Variants in GRIP1 observed in about 807,000 individuals in gnomAD.
The protein encoded by GRIP1 is glutamate receptor interacting protein 1.
Under a neutral mutation model 129.9 loss-of-function variants are expected in GRIP1, and 45 were observed. The ratio of observed to expected loss-of-function variants is 0.35; its 90% CI spans 0.27 to 0.44. The LOEUF (loss-of-function observed/expected upper bound fraction) is 0.44. Ranked by LOEUF, GRIP1 falls within the 20% of genes least tolerant of loss-of-function variation. The pLI, the probability that GRIP1 is intolerant of heterozygous loss-of-function variation, is 1.00. For missense variants in GRIP1, 1,196 were observed against 1,396.8 expected, an observed-to-expected ratio of 0.86 and a Z score of 2.29; for synonymous variants, 530 against 520.8, an observed-to-expected ratio of 1.02 and a Z score of -0.24.
chr12:66,722,605 T>C lies in GRIP1; in HGVS notation c.-420+81448A>G, dbSNP rs185874973. 2.1e-4 allele frequency among the ~76,000 whole-genome samples: 32 copies of C among 152,306 alleles called. 1 individual carries two copies. The South Asian group carries it at 5.0e-3, about 24-fold the overall frequency. On this transcript the variant is annotated intron_variant, in intron 1 of 4. Transcript: ENST00000538373. ...CATGCTGTTGGAAAAATGGTGTTGA[T>C]AGATTAGCTCAACCATCAATTAATA...
chr12:67,068,926 A>T, intron 1 of GRIP1: 2 of 197,490 alleles, frequency 1.0e-5, no homozygotes, highest in Non-Finnish European at 7.9e-6. Flanking sequence ...GCGGGCCCTG[A>T]GGGCGCGGCG....
intron 1 of GRIP1, among the ~76,000 whole-genome samples, chr12:66,795,875 G>A (rs1168640421): frequency 6.6e-6 from 1 of 152,084 alleles, no homozygotes; most frequent in African/African-American, 2.4e-5. Flanking sequence ...CTAGGGAGAA[G>A]CATAAAATAA....
intron 1 of GRIP1, among the ~76,000 whole-genome samples, chr12:67,019,841 C>T (rs7978516): frequency 0.033 from 4,972 of 151,918 alleles, 274 homozygotes; most frequent in African/African-American, 0.11. Flanking sequence ...CATACACACA[C>T]GAAAGATTAA....
At chr12:66,979,473 C>A (rs932098397) in intron 1 of GRIP1, among the ~76,000 whole-genome samples, 1 of 151,914 alleles carries the variant, frequency 6.6e-6, no homozygotes, top group Non-Finnish European at 1.5e-5. Flanking sequence ...TTCACGAACC[C>A]GTCAAAACAC....
chr12:67,060,217 C>T (rs778378127), intron 1 of GRIP1, among the ~76,000 whole-genome samples: 2 of 152,140 alleles, frequency 1.3e-5, no homozygotes, highest in Non-Finnish European at 2.9e-5. Context: ...TGTGTTCATG[C>T]CTAGGAAAGA....
At chr12:66,754,361 T>C (rs922217001) in intron 1 of GRIP1, among the ~76,000 whole-genome samples, 2 of 152,242 alleles carry the variant, frequency 1.3e-5, no homozygotes, top group Non-Finnish European at 2.9e-5. Flanking sequence ...GTAAGTCTTA[T>C]GTGCCCACTT....
At chr12:67,007,407 C>T (rs937422355) in intron 1 of GRIP1, among the ~76,000 whole-genome samples, 1 of 152,100 alleles carries the variant, frequency 6.6e-6, no homozygotes, top group African/African-American at 2.4e-5. Flanking sequence ...CCTTTCTCTT[C>T]AATACTTTTT....
At chr12:66,620,931 T>C (rs981965566) in intron 1 of GRIP1, among the ~76,000 whole-genome samples, 1 of 152,144 alleles carries the variant, frequency 6.6e-6, no homozygotes, top group African/African-American at 2.4e-5. Context: ...CTGCCCAAAC[T>C]TCCCTAATTC....
At chr12:66,657,097 C>G (rs143649664) in intron 1 of GRIP1, among the ~76,000 whole-genome samples, 1 of 152,236 alleles carries the variant, frequency 6.6e-6, no homozygotes, top group African/African-American at 2.4e-5. Context: ...AACTCTAACT[C>G]TAGGATTGCC....
chr12:66,813,589 C>A (rs1356545942), intron 1 of GRIP1, among the ~76,000 whole-genome samples: 2 of 152,130 alleles, frequency 1.3e-5, no homozygotes, highest in African/African-American at 4.8e-5. Flanking sequence ...GGAGGAGACA[C>A]AACTTGAGCA....
intron 2 of GRIP1, among the ~76,000 whole-genome samples, chr12:66,572,823 A>C (rs1277515018): frequency 6.6e-6 from 1 of 152,158 alleles, no homozygotes; most frequent in African/African-American, 2.4e-5. Flanking sequence ...ACATTTATTA[A>C]AAACTTTATA....
chr12:66,632,321 CT>C (rs2030888569), intron 1 of GRIP1, among the ~76,000 whole-genome samples: 1 of 152,180 alleles, frequency 6.6e-6, no homozygotes, highest in Non-Finnish European at 1.5e-5. Flanking sequence ...TAAGCTTTAT[CT>C]AAAGAGAAGG....
At chr12:66,979,237 A>ACAAAC (rs1293206236) in intron 1 of GRIP1, among the ~76,000 whole-genome samples, 30 of 108,292 alleles carry the variant, frequency 2.8e-4, no homozygotes, top group Non-Finnish European at 5.1e-4. Context: ...AAAAAAAAAA[A>ACAAAC]AAAAAAAAAA....
rs1343204521 is a variant in GRIP1 at position 66,678,951 on chromosome 12, T to C, written c.-47A>G. 1 of 1,612,634 alleles carries C rather than the reference T, an allele frequency of 6.2e-7. No individual in the cohort carries two copies. The highest frequency in any genetic ancestry group is 1.7e-5 in the Admixed American group (1 of 59,886). ...GCAAAGTGTACTCAAGGCTCTCTGCTCTGGTGGCTGCAGCAGCAGCAGCAT... is the reference window on the plus strand; with the variant it reads ...GCAAAGTGTACTCAAGGCTCTCTGCCCTGGTGGCTGCAGCAGCAGCAGCAT... On this transcript the variant is annotated 5_prime_UTR_variant, in exon 1 of 25. Coordinates refer to ENST00000359742, the MANE Select transcript of GRIP1 (RefSeq NM_001366722.1).
At chr12:66,892,013 C>T (rs2040667904) in intron 1 of GRIP1, 1 of 152,412 alleles carries the variant, frequency 6.6e-6, no homozygotes. Context: ...CCTGTGATGG[C>T]TCAGGGCAAT....
At chr12:66,659,995 C>T (rs1183996638) in intron 1 of GRIP1, among the ~76,000 whole-genome samples, 1 of 152,060 alleles carries the variant, frequency 6.6e-6, no homozygotes, top group Non-Finnish European at 1.5e-5. Flanking sequence ...ATTTGCTGTA[C>T]CAAGATAGCA....
chr12:66,705,822 G>C (rs1031113889), intron 1 of GRIP1, among the ~76,000 whole-genome samples: 9 of 151,998 alleles, frequency 5.9e-5, no homozygotes, highest in African/African-American at 2.2e-4. Flanking sequence ...CTCCTATTCA[G>C]TAAATGGTGT....
intron 1 of GRIP1, among the ~76,000 whole-genome samples, chr12:66,874,997 C>T (rs765887623): frequency 1.3e-5 from 2 of 151,962 alleles, no homozygotes; most frequent in Non-Finnish European, 2.9e-5. Flanking sequence ...AAAAGTCAAA[C>T]CCATCAGAAT....
intron 2 of GRIP1, among the ~76,000 whole-genome samples, chr12:66,580,962 T>C (rs1592591862): frequency 6.6e-6 from 1 of 152,298 alleles, no homozygotes; most frequent in South Asian, 2.1e-4. Flanking sequence ...TACATTTTTT[T>C]CAGCACCACA....
Sources: allele counts gnomAD v4.1 joint callset (sites outside exome capture counted in the v4.1 genomes callset), GRCh38; gene constraint gnomAD v4.1.1; transcripts MANE v1.5; gene names NCBI Gene and HGNC (gene_info 2026-07-23, HGNC 2026-07-21).